STK31: variants seen among roughly 807,000 people sequenced by gnomAD.
STK31 encodes the protein serine/threonine kinase 31.
Under a neutral mutation model 129.7 loss-of-function variants are expected in STK31, and 89 were observed. The observed-to-expected ratio is 0.69, with a 90% CI of 0.58 to 0.82. The LOEUF is 0.82. STK31 is among the 40% of genes least tolerant of loss of function. STK31 has a pLI of 0.00. For missense variants in STK31, 1,187 were observed against 1,176.4 expected (o/e 1.01, Z -0.13); for synonymous variants, 448 against 395.3 (o/e 1.13, Z -1.58).
chr7:23,785,778 T>A (rs1791238561), intron 18 of STK31, among the ~76,000 whole-genome samples, 175 bp downstream of exon 18: 1 of 138,074 alleles, frequency 7.2e-6, no homozygotes, highest in African/African-American at 2.8e-5. Flanking sequence ...TTTTAAAGTT[T>A]CCCTCAATTG....
At chr7:23,729,510 TG>T (rs1464772362) in intron 6 of STK31, among the ~76,000 whole-genome samples, 2 of 145,758 alleles carry the variant, frequency 1.4e-5, no homozygotes, top group African/African-American at 5.3e-5. Flanking sequence ...AGTCTCTTTT[TG>T]TTTTTTTTTT....
intron 4 of STK31, among the ~76,000 whole-genome samples, chr7:23,720,151 A>G (rs989260704): frequency 6.6e-6 from 1 of 152,196 alleles, no homozygotes; most frequent in Non-Finnish European, 1.5e-5. Context: ...AATGAAAGCC[A>G]TTATAATTTT....
At chr7:23,810,801 T>C (rs1441811946) in intron 22 of STK31, among the ~76,000 whole-genome samples, 1 of 139,178 alleles carries the variant, frequency 7.2e-6, no homozygotes, top group East Asian at 2.0e-4. Context: ...TATAAATATG[T>C]ATATATATTT....
chr7:23,719,263 C>A (rs1189526804), intron 4 of STK31, among the ~76,000 whole-genome samples: 5 of 151,926 alleles, frequency 3.3e-5, no homozygotes, highest in African/African-American at 4.8e-5. Context: ...AAAAAGTATG[C>A]AATGATCATG....
rs778783679 is a variant in STK31, at chr7:23,710,297, G to C, written c.12G>C (p.Gln4His). ...GCCGAAAGTCCAGTATGTGGGTCCA[G>C]GGTCACTCTTCTAGAGCTTCCGCAA... MWV[Q>H]GHSSRASATE... is the part of the protein sequence containing the mutation. The change falls in exon 1 of 24, where the codon CAG becomes CAC. Residue 4 changes from glutamine to histidine, a missense_variant. This residue lies in a region of STK31 where 104 missense variants were observed against 98.3 expected (regional missense o/e 1.06). Transcript: ENST00000355870. 1.2e-6 allele frequency: 2 copies of C among 1,613,092 alleles called. No homozygotes were observed. The highest frequency in any genetic ancestry group is 2.2e-5 in the South Asian group (2 of 90,726).
chr7:23,733,845 AAAT>A (rs1787571465), intron 6 of STK31, among the ~76,000 whole-genome samples: 1 of 152,084 alleles, frequency 6.6e-6, no homozygotes, highest in Non-Finnish European at 1.5e-5. Context: ...TGTCCCAATG[AAAT>A]AATTTTTTTT....
At chr7:23,715,111 G>T (rs1356913506) in intron 3 of STK31, among the ~76,000 whole-genome samples, 2 of 152,192 alleles carry the variant, frequency 1.3e-5, no homozygotes, top group South Asian at 2.1e-4. Context: ...GGCAAATTTG[G>T]TTGGGGTTAT....
chr7:23,795,987 C>G (rs1406019313), intron 22 of STK31, among the ~76,000 whole-genome samples: 1 of 152,172 alleles, frequency 6.6e-6, no homozygotes, highest in Non-Finnish European at 1.5e-5. Flanking sequence ...GGACTTTTGA[C>G]TTAATGCTTA....
intron 1 of STK31, chr7:23,710,656 A>G (rs1785895235): frequency 8.6e-7 from 1 of 1,169,520 alleles, no homozygotes; most frequent in Non-Finnish European, 1.1e-6. Flanking sequence ...AGTGTCAGAG[A>G]GCTACGTGTA....
At chr7:23,729,657 GT>G (rs1018867051) in intron 6 of STK31, among the ~76,000 whole-genome samples, 49 of 151,930 alleles carry the variant, frequency 3.2e-4, no homozygotes, top group African/African-American at 1.1e-3. Context: ...TTACAGGCCT[GT>G]GCCACCATGT....
intron 23 of STK31, among the ~76,000 whole-genome samples, chr7:23,819,143 GT>G (rs1169018013): frequency 6.6e-6 from 1 of 152,076 alleles, no homozygotes; most frequent in African/African-American, 2.4e-5. Flanking sequence ...TACTTTTGTG[GT>G]TTTCAGGAGC....
intron 4 of STK31, among the ~76,000 whole-genome samples, chr7:23,718,545 A>G (rs554923233): frequency 6.6e-6 from 1 of 152,224 alleles, no homozygotes; most frequent in South Asian, 2.1e-4. Context: ...CCTCATTTTG[A>G]TACTATCACC....
intron 22 of STK31, among the ~76,000 whole-genome samples, chr7:23,798,051 A>C (rs775805797): frequency 2.0e-5 from 3 of 152,210 alleles, no homozygotes; most frequent in Non-Finnish European, 4.4e-5. Context: ...CTAAATCAGC[A>C]AGAAGTCGAA....
At chr7:23,831,032 G>C (rs891844274) in intron 23 of STK31, among the ~76,000 whole-genome samples, 3 of 152,122 alleles carry the variant, frequency 2.0e-5, no homozygotes, top group African/African-American at 7.2e-5. Context: ...TTTGAGCTTT[G>C]TTTTGTGGCT....
chr7:23,769,767 A>G lies in STK31; in HGVS notation c.1713+11A>G. On this transcript the variant is annotated intron_variant, in intron 13 of 23. Coordinates refer to ENST00000355870, the MANE Select transcript of STK31 (RefSeq NM_031414.5). ...GAGATAGCTCTGGTTGTGAGTATCG[A>G]TATTCTTTATTATTGCCTCCTTTGA... is the stretch of plus-strand genomic sequence containing the variant. 1 of 1,540,280 alleles carries G rather than the reference A, an allele frequency of 6.5e-7. No individual in the cohort carries two copies. Among genetic ancestry groups the G allele is most frequent in the Non-Finnish European group, 8.9e-7 (1 of 1,120,242 alleles).
At chr7:23,769,786 C>A in intron 13 of STK31, 30 bp downstream of exon 13, 1 of 1,416,706 alleles carries the variant, frequency 7.1e-7, no homozygotes, top group Non-Finnish European at 9.9e-7. Flanking sequence ...ATTATTGCCT[C>A]CTTTGAAGCA....
chr7:23,803,931 GGT>G (rs1792533670), intron 22 of STK31, among the ~76,000 whole-genome samples: 1 of 152,176 alleles, frequency 6.6e-6, no homozygotes, highest in Non-Finnish European at 1.5e-5. Flanking sequence ...AAATCTTAAA[GGT>G]GTTTTCTAGA....
At chr7:23,815,944 C>T (rs539134875) in intron 23 of STK31, among the ~76,000 whole-genome samples, 169 of 152,198 alleles carry the variant, frequency 1.1e-3, no homozygotes, top group African/African-American at 4.0e-3. Context: ...AATGATCAGA[C>T]TCTGGAAGTT....
chr7:23,773,259 G>C (rs950745106), intron 15 of STK31, among the ~76,000 whole-genome samples: 1 of 151,842 alleles, frequency 6.6e-6, no homozygotes, highest in Non-Finnish European at 1.5e-5. Flanking sequence ...TTTTCTCATT[G>C]TTCACCTCAT....
Sources: gnomAD v4.1 joint callset for allele counts (sites outside exome capture counted in the v4.1 genomes callset) on GRCh38, gnomAD v4.1.1 for gene constraint, gnomAD v4.1.1 regional missense constraint, MANE v1.5 for transcripts, NCBI Gene and HGNC (gene_info 2026-07-23, HGNC 2026-07-21) for gene names.